OR1D2: variants seen among roughly 807,000 people sequenced by gnomAD.
OR1D2 encodes olfactory receptor 1D2.
For missense variants in OR1D2, 357 were observed against 376.1 expected, an observed-to-expected ratio of 0.95 and a Z score of 0.42; for synonymous variants, 157 against 153.9, an observed-to-expected ratio of 1.02 and a Z score of -0.15.
chr17:3,102,096 A>G (rs930383039), intron 1 of OR1D2, among the ~76,000 whole-genome samples: 21 of 152,228 alleles, frequency 1.4e-4, no homozygotes, highest in African/African-American at 4.3e-4. Context: ...TATTATTGCA[A>G]TGTTTTGGAA....
intron 1 of OR1D2, among the ~76,000 whole-genome samples, chr17:3,103,066 C>G (rs1217587269): frequency 2.0e-5 from 3 of 152,112 alleles, no homozygotes; most frequent in African/African-American, 7.2e-5. Context: ...TACAGGCTTC[C>G]CACATCACAA....
In OR1D2 at chr17:3,092,552, A is replaced by T. The variant is rs1437938505; in HGVS notation, c.445T>A (p.Trp149Arg). The T allele has an allele frequency of 1.2e-6, 2 of 1,614,034 alleles. No individual in the cohort carries two copies. Among genetic ancestry groups the T allele is most frequent in the Non-Finnish European group, 1.7e-6 (2 of 1,180,030 alleles). Residue 149 changes from tryptophan (W) to arginine (R), a missense_variant, in exon 2 of 2, where the codon TGG (tryptophan) becomes AGG (arginine). Trp to Arg is a moderately radical substitution (Grantham distance 101). Coordinates refer to ENST00000641833, the MANE Select transcript of OR1D2 (RefSeq NM_002548.3). ...AGGCCATAGAGGACGGATAGGACCC[A>T]ACACAAGGAAAGGAGTAAGATACAG... is the stretch of plus-strand genomic sequence containing the variant. Reference protein sequence around the residue: ...KLCILLLSLCWVLSVLYGLIH... With the variant: ...KLCILLLSLCRVLSVLYGLIH...
intron 1 of OR1D2, among the ~76,000 whole-genome samples, chr17:3,100,787 A>C (rs2047871414): frequency 6.6e-6 from 1 of 152,190 alleles, no homozygotes. Flanking sequence ...TAGACTAACG[A>C]AGAAGAAAAG....
Position 3,094,616 on chromosome 17 carries a change from A to T in OR1D2, c.-50-1570T>A, listed in dbSNP as rs186221782. On this transcript the variant is annotated intron_variant, in intron 1 of 1. Transcript: ENST00000641833. ...CATATTCCAACAAAATTTATGAACC[A>T]TGAAAAGAAACAAAGTATGATCCAC... 1.1e-4 allele frequency among the ~76,000 whole-genome samples: 17 copies of T among 152,300 alleles called. No individual in the cohort carries two copies. In the East Asian group the frequency reaches 3.3e-3, roughly 29 times the overall value.
chr17:3,091,050 T>C lies in OR1D2; in HGVS notation c.*1008A>G, dbSNP rs938315990. 2 of 152,206 alleles carry C rather than the reference T, an allele frequency of 1.3e-5. No homozygotes were observed. The highest frequency in any genetic ancestry group is 2.9e-5 in the Non-Finnish European group (2 of 68,028). The allele number at this position is 152,206 out of a possible 1,614,324, so 9.4% of individuals were successfully genotyped here. A position where few individuals can be genotyped will look rare whatever the true frequency, so the allele number is the denominator to read the frequency against. ...CTTGGGTGAGGGGTGATTCAGGTAA[T>C]GTGACAGAGTTTTTTCTACAATGTT... On this transcript the variant is annotated 3_prime_UTR_variant, in exon 2 of 2. Transcript: ENST00000641833.
At chr17:3,094,281 A>G (rs1376993041) in intron 1 of OR1D2, among the ~76,000 whole-genome samples, 2 of 152,188 alleles carry the variant, frequency 1.3e-5, no homozygotes, top group Non-Finnish European at 2.9e-5. Context: ...TATCTTATCA[A>G]ACACATTTAA....
intron 1 of OR1D2, among the ~76,000 whole-genome samples, chr17:3,101,812 A>AGCAAAATCTCAGGTT (rs1349387606): frequency 6.6e-6 from 1 of 152,212 alleles, no homozygotes; most frequent in Non-Finnish European, 1.5e-5. Context: ...AAGCAACTTC[A>AGCAAAATCTCAGGTT]GCAAAATCTC....
At chr17:3,097,203 C>T (rs566396020) in intron 1 of OR1D2, among the ~76,000 whole-genome samples, 2 of 152,104 alleles carry the variant, frequency 1.3e-5, no homozygotes, top group Admixed American at 6.5e-5. Flanking sequence ...ACAGTAGTCT[C>T]GAATGATCTT....
Position 3,088,929 on chromosome 17 carries a change from G to A in OR1D2, c.*3129C>T, listed in dbSNP as rs1482715588. On this transcript the variant is annotated 3_prime_UTR_variant, in exon 2 of 2. Transcript: ENST00000641833. ...ATTTAAGTTGAACTTCACCTTTCTCGGGCACCTCCTTGATTAGCTTAATAC... is the reference window on the plus strand; with the variant it reads ...ATTTAAGTTGAACTTCACCTTTCTCAGGCACCTCCTTGATTAGCTTAATAC... The A allele has an allele frequency of 6.6e-5, 10 of 150,948 alleles. No individual in the cohort carries two copies. Among genetic ancestry groups the A allele is most frequent in the East Asian group, 3.9e-4 (2 of 5,142 alleles). 9.4% of individuals were successfully genotyped at this position (150,948 alleles called of 1,614,324 possible).
chr17:3,103,310 G>A (rs1272203057), intron 1 of OR1D2, among the ~76,000 whole-genome samples: 2 of 151,922 alleles, frequency 1.3e-5, no homozygotes, highest in South Asian at 2.1e-4. Context: ...GCACGATCTC[G>A]GCTCACGGCA....
At chr17:3,102,057 TTACTG>T (rs2047877169) in intron 1 of OR1D2, among the ~76,000 whole-genome samples, 1 of 152,214 alleles carries the variant, frequency 6.6e-6, no homozygotes, top group Non-Finnish European at 1.5e-5. Flanking sequence ...TGTACAGTTA[TTACTG>T]TACATATTAA....
At chr17:3,093,426 G>A (rs1163183044) in intron 1 of OR1D2, among the ~76,000 whole-genome samples, 1 of 152,210 alleles carries the variant, frequency 6.6e-6, no homozygotes, top group East Asian at 1.9e-4. Context: ...TCTGAAAAAA[G>A]TGGGACTATC....
chr17:3,098,644 G>C (rs771621516), intron 1 of OR1D2, among the ~76,000 whole-genome samples: 3 of 152,096 alleles, frequency 2.0e-5, no homozygotes, highest in Non-Finnish European at 4.4e-5. Context: ...GCAATACCTC[G>C]CCAGCCAGGA....
intron 1 of OR1D2, among the ~76,000 whole-genome samples, chr17:3,101,451 G>A (rs139392277): frequency 3.3e-5 from 5 of 152,078 alleles, no homozygotes; most frequent in Admixed American, 2.0e-4. Flanking sequence ...AGGCAGAAAA[G>A]CATTTTGATA....
rs1401978253 is a variant in OR1D2, at chr17:3,092,041, G to A, written c.*17C>T. ...TATTCCTAGTCTCCACTTTAATGCT[G>A]TCTTTCCAAATTGCCCTCATGTCAG... On this transcript the variant is annotated 3_prime_UTR_variant, in exon 2 of 2. Coordinates refer to ENST00000641833, the MANE Select transcript of OR1D2 (RefSeq NM_002548.3). The A allele has an allele frequency of 1.1e-5, 18 of 1,574,002 alleles. No individual in the cohort carries two copies. Among genetic ancestry groups the A allele is most frequent in the South Asian group, 7.0e-5 (6 of 86,316 alleles).
Position 3,092,524 on chromosome 17 carries a change from A to T in OR1D2, c.473T>A (p.Ile158Lys). ...CWVLSVLYGLIHTLLMTRVTF... is the reference protein window; with the variant it reads ...CWVLSVLYGLKHTLLMTRVTF... ...CACTCTGGTCATGAGGAGGGTGTGT[A>T]TGAGGCCATAGAGGACGGATAGGAC... The change falls in exon 2 of 2, where the codon ATA becomes AAA. Residue 158 changes from isoleucine to lysine, a missense_variant. By Grantham distance (102) the Ile-to-Lys change is moderately radical (BLOSUM62 -3). Coordinates refer to ENST00000641833, the MANE Select transcript of OR1D2 (RefSeq NM_002548.3). The T allele has an allele frequency of 6.2e-7, 1 of 1,614,146 alleles. No individual in the cohort carries two copies. Among genetic ancestry groups the T allele is most frequent in the Non-Finnish European group, 8.5e-7 (1 of 1,180,020 alleles).
chr17:3,099,830 T>C (rs2047866475), intron 1 of OR1D2, among the ~76,000 whole-genome samples: 1 of 151,416 alleles, frequency 6.6e-6, no homozygotes, highest in African/African-American at 2.4e-5. Context: ...TAGAGGAAAA[T>C]TTACCAAGCA....
rs918351360 is a variant in OR1D2 at position 3,091,623 on chromosome 17, C to G, written c.*435G>C. The G allele has an allele frequency of 6.0e-6, 1 of 167,608 alleles. No homozygotes were observed. Among genetic ancestry groups the G allele is most frequent in the Admixed American group, 5.5e-5 (1 of 18,324 alleles). The allele number at this position is 167,608 out of a possible 1,614,324, so 10.4% of individuals were successfully genotyped here. On this transcript the variant is annotated 3_prime_UTR_variant, in exon 2 of 2. Transcript: ENST00000641833. ...ACACCACCTGTCGAGGTCTATATCA[C>G]GTGCTGGATCAGCTGATACAAATAT...
At position 3,092,813 on chromosome 17, in the gene OR1D2, A is replaced by G; in HGVS notation, c.184T>C (p.Phe62Leu). The change falls in exon 2 of 2, where the codon TTC becomes CTC. Residue 62 changes from phenylalanine (F) to leucine (L), a missense_variant. Transcript: ENST00000641833. ...TCAGTGAAGGAGAGGTTGGCCAGGA[A>G]GAAGTACACGGGGGTGTGCAGGCGG... is the stretch of plus-strand genomic sequence containing the variant. ...DSRLHTPVYF[F>L]LANLSFTDLF... is the part of the protein sequence containing the mutation. The G allele has an allele frequency of 1.9e-6, 3 of 1,614,146 alleles. No individual in the cohort carries two copies. Among genetic ancestry groups the G allele is most frequent in the Non-Finnish European group, 2.5e-6 (3 of 1,180,028 alleles).
Sources: gnomAD v4.1 joint callset for allele counts (sites outside exome capture counted in the v4.1 genomes callset) on GRCh38, gnomAD v4.1.1 for gene constraint, MANE v1.5 for transcripts, NCBI Gene and HGNC (gene_info 2026-07-23, HGNC 2026-07-21) for gene names.